Variants in PAPSS2 observed in about 807,000 individuals in gnomAD.
PAPSS2 encodes the protein bifunctional 3'-phosphoadenosine 5'-phosphosulfate synthase 2.
PAPSS2 carries 61 observed loss-of-function variants against 66.5 expected under a neutral mutation model. That is an observed-to-expected ratio of 0.92 (90% confidence interval 0.75 to 1.14). The LOEUF is 1.14. PAPSS2 is among the 50% of genes most tolerant of loss of function. The probability of loss-of-function intolerance (pLI) is 0.00; values close to 1 mark genes in which losing one functional copy is unlikely to be tolerated. For synonymous variants in PAPSS2, 289 were observed against 287.5 expected, an observed-to-expected ratio of 1.01 and a Z score of -0.05; for missense variants, 708 against 789.6, an observed-to-expected ratio of 0.90 and a Z score of 1.24.
chr10:87,727,873 T>C (rs1178020719), intron 9 of PAPSS2, among the ~76,000 whole-genome samples: 2 of 152,160 alleles, frequency 1.3e-5, no homozygotes, highest in African/African-American at 4.8e-5. Flanking sequence ...GGAACATAAG[T>C]ATCTTCATAA....
intron 1 of PAPSS2, among the ~76,000 whole-genome samples, chr10:87,701,299 TTTTCCTTCCTTCCTTCCTTCCTTC>T: frequency 1.5e-5 from 2 of 132,930 alleles, no homozygotes; most frequent in African/African-American, 6.2e-5. Context: ...TTTCTTTCTT[TTTTCCTTCCTTCCTTCCTTCCTTC>T]CTTCCTTTCT....
intron 1 of PAPSS2, among the ~76,000 whole-genome samples, chr10:87,675,229 A>G (rs1457218650): frequency 6.6e-6 from 1 of 152,248 alleles, no homozygotes; most frequent in Non-Finnish European, 1.5e-5. Context: ...TCTATAAAAC[A>G]AGGAATGTGT....
intron 9 of PAPSS2, among the ~76,000 whole-genome samples, chr10:87,733,935 CTT>C (rs1370210600): frequency 4.6e-5 from 7 of 152,004 alleles, no homozygotes; most frequent in African/African-American, 1.7e-4. Flanking sequence ...TTGCTTCTCT[CTT>C]CTCCCCTTGT....
chr10:87,677,658 A>T (rs777734783), intron 1 of PAPSS2, among the ~76,000 whole-genome samples: 1 of 152,168 alleles, frequency 6.6e-6, no homozygotes, highest in Non-Finnish European at 1.5e-5. Flanking sequence ...CTTTTCCCAG[A>T]TCTTCATTTT....
intron 1 of PAPSS2, among the ~76,000 whole-genome samples, chr10:87,682,167 A>G (rs1177258161): frequency 6.6e-6 from 1 of 152,258 alleles, no homozygotes; most frequent in Non-Finnish European, 1.5e-5. Flanking sequence ...TATTAGACTT[A>G]CAGGGAAAGG....
intron 1 of PAPSS2, among the ~76,000 whole-genome samples, chr10:87,701,300 TTTCCTTCC>T (rs1174780842): frequency 0.032 from 3,250 of 100,504 alleles, 301 homozygotes; most frequent in South Asian, 0.058. Context: ...TTCTTTCTTT[TTTCCTTCC>T]TTCCTTCCTT....
chr10:87,726,491 T>C lies in PAPSS2; in HGVS notation c.881-793T>C, dbSNP rs1042841536. 7.2e-5 allele frequency among the ~76,000 whole-genome samples: 11 copies of C among 152,294 alleles called. No homozygotes were observed. The East Asian group carries it at 7.7e-4, about 11-fold the overall frequency. ...AAAAATAACTAAGAGGATAATTGGA[T>C]TTTTGTAACACAAAGGATAAATGCT... On this transcript the variant is annotated intron_variant, in intron 8 of 12. Transcript: ENST00000456849.
intron 1 of PAPSS2, among the ~76,000 whole-genome samples, chr10:87,708,066 AT>A (rs1004265009): frequency 3.3e-5 from 5 of 152,108 alleles, no homozygotes; most frequent in East Asian, 1.9e-4. Context: ...ATTATTATGG[AT>A]TTTTTCCCCC....
At chr10:87,670,671 GA>G (rs1462787644) in intron 1 of PAPSS2, among the ~76,000 whole-genome samples, 1 of 152,066 alleles carries the variant, frequency 6.6e-6, no homozygotes, top group Non-Finnish European at 1.5e-5. Flanking sequence ...TACTGGAGAG[GA>G]GCTGCATTAT....
chr10:87,697,572 G>A (rs992819229), intron 1 of PAPSS2, among the ~76,000 whole-genome samples: 2 of 152,216 alleles, frequency 1.3e-5, no homozygotes, highest in African/African-American at 4.8e-5. Flanking sequence ...GCCAGAGGAA[G>A]AGCTGCCTCA....
chr10:87,722,125 T>A (rs1227986359), intron 8 of PAPSS2, among the ~76,000 whole-genome samples: 1 of 152,248 alleles, frequency 6.6e-6, no homozygotes, highest in Non-Finnish European at 1.5e-5. Flanking sequence ...CTGGAAATTT[T>A]TTTTCCTACA....
In PAPSS2 at chr10:87,727,461, C is replaced by A; in HGVS notation, c.1058C>A (p.Thr353Lys). The change falls in exon 9 of 13, where the codon ACA (threonine) becomes AAA (lysine). Residue 353 changes from threonine (T) to lysine (K), a missense_variant. Physicochemically the swap from Thr to Lys is moderately conservative, Grantham distance 78. Coordinates refer to ENST00000456849, the MANE Select transcript of PAPSS2 (RefSeq NM_001015880.2). The stretch of plus-strand genomic sequence containing the variant: ...GAACGCTGTTCCCGTGTTTGGGGGA[C>A]AACATGTACAAAACACCCCCATATC... ...KEERCSRVWG[T>K]TCTKHPHIKM... is the part of the protein sequence containing the mutation. The A allele has an allele frequency of 6.2e-7, 1 of 1,613,458 alleles. No homozygotes were observed. Among genetic ancestry groups the A allele is most frequent in the Non-Finnish European group, 8.5e-7 (1 of 1,179,696 alleles).
At chr10:87,670,513 A>G (rs1852862725) in intron 1 of PAPSS2, among the ~76,000 whole-genome samples, 1 of 152,116 alleles carries the variant, frequency 6.6e-6, no homozygotes, top group Non-Finnish European at 1.5e-5. Flanking sequence ...CTAGTGTTTC[A>G]GCGATAGGTA....
At chr10:87,694,809 T>G (rs1438757671) in intron 1 of PAPSS2, among the ~76,000 whole-genome samples, 1 of 151,942 alleles carries the variant, frequency 6.6e-6, no homozygotes, top group Non-Finnish European at 1.5e-5. Flanking sequence ...GAAAAAGAGG[T>G]GATAGAGCTG....
chr10:87,668,958 A>G (rs967406727), intron 1 of PAPSS2, among the ~76,000 whole-genome samples: 1 of 152,164 alleles, frequency 6.6e-6, no homozygotes, highest in Non-Finnish European at 1.5e-5. Context: ...AACAAGAAAT[A>G]TTTTCCATAA....
intron 1 of PAPSS2, among the ~76,000 whole-genome samples, chr10:87,705,891 G>A (rs757910829): frequency 2.0e-5 from 3 of 150,360 alleles, no homozygotes; most frequent in Non-Finnish European, 3.0e-5. Context: ...GTGCCACCAC[G>A]CCCAGCTAAT....
intron 1 of PAPSS2, among the ~76,000 whole-genome samples, chr10:87,670,179 C>G (rs1339389994): frequency 1.3e-5 from 2 of 152,214 alleles, no homozygotes; most frequent in African/African-American, 4.8e-5. Context: ...TTTTTATTGC[C>G]TAGCCTTACG....
intron 2 of PAPSS2, among the ~76,000 whole-genome samples, chr10:87,712,139 C>T (rs1281409081): frequency 1.3e-5 from 2 of 152,302 alleles, no homozygotes; most frequent in Non-Finnish European, 2.9e-5. Context: ...CATATAAAGA[C>T]TCTAGAGAAT....
chr10:87,701,376 CTTTCTTTCTT>C (rs1210854752), intron 1 of PAPSS2, among the ~76,000 whole-genome samples: 437 of 88,334 alleles, frequency 4.9e-3, no homozygotes, highest in African/African-American at 0.016. Context: ...TTCTTTCTTT[CTTTCTTTCTT>C]TCTTTCTTTC....
Sources: gnomAD v4.1 joint callset for allele counts (sites outside exome capture counted in the v4.1 genomes callset) on GRCh38, gnomAD v4.1.1 for gene constraint, MANE v1.5 for transcripts, NCBI Gene and HGNC (gene_info 2026-07-23, HGNC 2026-07-21) for gene names.